SEMA3A: variants seen among roughly 807,000 people sequenced by gnomAD.
SEMA3A encodes semaphorin 3A.
A neutral mutation model predicts 97.9 loss-of-function variants in SEMA3A; 29 were observed. The ratio of observed to expected loss-of-function variants is 0.30; its 90% CI spans 0.22 to 0.40. The LOEUF is 0.40. Ranked by LOEUF, SEMA3A falls within the 10% of genes least tolerant of loss-of-function variation. The probability of loss-of-function intolerance (pLI) is 1.00; values close to 1 mark genes in which losing one functional copy is unlikely to be tolerated. For missense variants in SEMA3A, 763 were observed against 951.3 expected (o/e 0.80, Z 2.60); for synonymous variants, 321 against 323.7 (o/e 0.99, Z 0.09).
chr7:84,150,612 G>C (rs1007612755), intron 1 of SEMA3A, among the ~76,000 whole-genome samples: 1 of 152,160 alleles, frequency 6.6e-6, no homozygotes, highest in Non-Finnish European at 1.5e-5. Flanking sequence ...CTCGCTGATT[G>C]CTAGCACAGC....
chr7:84,492,679 T>A (rs898465910), exon 1 of SEMA3A: 1 of 151,860 alleles, frequency 6.6e-6, no homozygotes, highest in African/African-American at 2.4e-5. Context: ...CCCCTGAGGC[T>A]CTACCATTTC....
Position 84,340,624 on chromosome 7 carries a change from C to CA in SEMA3A, c.-169+31199dup, listed in dbSNP as rs551936236. On this transcript the variant is annotated intron_variant, in intron 2 of 3. Transcript: ENST00000424555. Reference sequence around the variant, plus strand: ...TGAAACCCCATCTCTACTAAAAATACAAAAAATTAGCTGGGGGTGGTGGTA... The same window carrying CA: ...TGAAACCCCATCTCTACTAAAAATACAAAAAAATTAGCTGGGGGTGGTGGTA... Among the ~76,000 whole-genome samples, 779 of 151,350 alleles carry CA rather than the reference C, an allele frequency of 5.1e-3. 3 individuals carry two copies. Among genetic ancestry groups the CA allele is most frequent in the Middle Eastern group, 0.01 (3 of 292 alleles).
chr7:84,454,195 A>C (rs572436332), intron 1 of SEMA3A, among the ~76,000 whole-genome samples: 8 of 152,264 alleles, frequency 5.3e-5, no homozygotes, highest in African/African-American at 1.9e-4. Context: ...AATTTGGGGA[A>C]TATTTTCTCT....
chr7:83,987,476 G>C (rs1789685130), intron 12 of SEMA3A, among the ~76,000 whole-genome samples: 1 of 152,130 alleles, frequency 6.6e-6, no homozygotes. Flanking sequence ...TAAAGAAAAA[G>C]ATTCCTCATA....
intron 1 of SEMA3A, among the ~76,000 whole-genome samples, chr7:84,174,791 G>A (rs184498157): frequency 4.3e-4 from 66 of 152,172 alleles, no homozygotes; most frequent in Admixed American, 1.2e-3. Flanking sequence ...TAGTCAATAC[G>A]CTTAGAAGAA....
At chr7:84,357,800 G>T (rs1802606987) in intron 2 of SEMA3A, among the ~76,000 whole-genome samples, 2 of 151,750 alleles carry the variant, frequency 1.3e-5, no homozygotes, top group Non-Finnish European at 2.9e-5. Flanking sequence ...AGCACCTGTT[G>T]TTTCCTGACT....
At chr7:83,980,165 A>C (rs529917832) in intron 14 of SEMA3A, among the ~76,000 whole-genome samples, 1 of 152,316 alleles carries the variant, frequency 6.6e-6, no homozygotes, top group African/African-American at 2.4e-5. Context: ...TGAAAGAGAA[A>C]GACATCCTTC....
intron 12 of SEMA3A, among the ~76,000 whole-genome samples, chr7:83,996,729 T>A (rs898725314): frequency 6.6e-6 from 1 of 152,188 alleles, no homozygotes; most frequent in African/African-American, 2.4e-5. Context: ...ACATAATAAA[T>A]ACAATTGAAG....
At chr7:84,412,553 G>T (rs1804298240) in intron 1 of SEMA3A, among the ~76,000 whole-genome samples, 4 of 152,056 alleles carry the variant, frequency 2.6e-5, no homozygotes, top group Admixed American at 2.6e-4. Flanking sequence ...TACAGAAATG[G>T]TTCAAAGTAA....
chr7:84,075,458 CTTTTTTTTTT>C (rs35489504), intron 4 of SEMA3A, among the ~76,000 whole-genome samples: 1 of 119,278 alleles, frequency 8.4e-6, no homozygotes, highest in Non-Finnish European at 1.7e-5. Flanking sequence ...TGCACCTGGT[CTTTTTTTTTT>C]TTTTTTTTGA....
At chr7:84,209,455 A>C (rs1798573322) in intron 3 of SEMA3A, among the ~76,000 whole-genome samples, 1 of 152,160 alleles carries the variant, frequency 6.6e-6, no homozygotes, top group Non-Finnish European at 1.5e-5. Flanking sequence ...TTGGGCACTA[A>C]CCAATTATGT....
chr7:84,465,144 C>T (rs1805957202), intron 1 of SEMA3A, among the ~76,000 whole-genome samples: 4 of 152,162 alleles, frequency 2.6e-5, no homozygotes, highest in South Asian at 4.2e-4. Flanking sequence ...AAGCAAATAA[C>T]CTAAATTTTT....
chr7:84,056,421 C>T (rs763042364), intron 5 of SEMA3A, among the ~76,000 whole-genome samples: 36 of 152,134 alleles, frequency 2.4e-4, no homozygotes, highest in Admixed American at 2.2e-3. Context: ...GGAAACAAAA[C>T]CACATTTCCT....
chr7:84,329,928 A>T (rs958756753), intron 2 of SEMA3A, among the ~76,000 whole-genome samples: 1 of 152,016 alleles, frequency 6.6e-6, no homozygotes, highest in African/African-American at 2.4e-5. Context: ...TGGCCAACTT[A>T]GGGCTTGTAA....
chr7:84,182,575 C>T (rs1797765172), intron 1 of SEMA3A, among the ~76,000 whole-genome samples: 1 of 151,926 alleles, frequency 6.6e-6, no homozygotes, highest in Admixed American at 6.6e-5. Context: ...TCCAGAAGAA[C>T]TAATAATCAG....
intron 1 of SEMA3A, among the ~76,000 whole-genome samples, chr7:84,429,556 A>ATATATATATATATATATC (rs1804923562): frequency 8.9e-6 from 1 of 112,132 alleles, no homozygotes; most frequent in Admixed American, 1.0e-4. Context: ...ATAGCGAGAG[A>ATATATATATATATATATC]GAGAGAGAGA....
chr7:84,069,894 C>T (rs1436402737), intron 4 of SEMA3A, among the ~76,000 whole-genome samples: 3 of 152,048 alleles, frequency 2.0e-5, no homozygotes, highest in Non-Finnish European at 4.4e-5. Flanking sequence ...TTATCATGAA[C>T]GAACAGTGTT....
At chr7:84,125,827 A>AT (rs1381018062) in intron 3 of SEMA3A, among the ~76,000 whole-genome samples, 24 of 152,224 alleles carry the variant, frequency 1.6e-4, no homozygotes, top group Non-Finnish European at 4.4e-5. Flanking sequence ...CAGCCATTGA[A>AT]TGAGTTGATC....
intron 3 of SEMA3A, among the ~76,000 whole-genome samples, chr7:84,262,292 G>A (rs1799875561): frequency 6.6e-6 from 1 of 152,052 alleles, no homozygotes; most frequent in Non-Finnish European, 1.5e-5. Context: ...CTGGCTCATT[G>A]TAACCTCCAC....
Sources: allele counts gnomAD v4.1 joint callset (sites outside exome capture counted in the v4.1 genomes callset), GRCh38; gene constraint gnomAD v4.1.1; transcripts MANE v1.5; gene names NCBI Gene and HGNC (gene_info 2026-07-23, HGNC 2026-07-21).